The following INSYN2B variants were observed in gnomAD, a reference collection of about 807,000 sequenced individuals.
The protein encoded by INSYN2B is protein INSYN2B.
A neutral mutation model predicts 41.2 loss-of-function variants in INSYN2B; 16 were observed. The ratio of observed to expected loss-of-function variants is 0.39; its 90% CI spans 0.26 to 0.59. The LOEUF is 0.59. Among genes scored for constraint, INSYN2B ranks in the 20% least tolerant of loss-of-function variants. The pLI, the probability that INSYN2B is intolerant of heterozygous loss-of-function variation, is 0.57. For synonymous variants in INSYN2B, 245 were observed against 244.4 expected (o/e 1.00, Z -0.02); for missense variants, 608 against 646.4 (o/e 0.94, Z 0.64).
chr5:169,883,434 C>G lies in INSYN2B; in HGVS notation c.465G>C (p.Gln155His). The G allele has an allele frequency of 6.4e-7, 1 of 1,551,700 alleles. No homozygotes were observed. Among genetic ancestry groups the G allele is most frequent in the Non-Finnish European group, 8.7e-7 (1 of 1,146,968 alleles). ...SSDLAYLRLA[Q>H]HLEDGPRRVK... ...CCCTTCGAGGCCCATCCTCAAGATG[C>G]TGAGCCAACCTTAAGTAGGCAAGGT... Residue 155 changes from glutamine (Q) to histidine (H), a missense_variant, in exon 2 of 4, where the codon CAG (glutamine) becomes CAC (histidine). Physicochemically the swap from Gln to His is conservative, Grantham distance 24. Transcript: ENST00000377365.
chr5:169,939,018 C>G (rs1776115540), intron 1 of INSYN2B, among the ~76,000 whole-genome samples: 1 of 151,722 alleles, frequency 6.6e-6, no homozygotes, highest in African/African-American at 2.4e-5. Context: ...ATTCTCCTAC[C>G]TTAGCCTCGG....
At chr5:169,916,371 G>A (rs1774876326) in intron 1 of INSYN2B, among the ~76,000 whole-genome samples, 1 of 152,220 alleles carries the variant, frequency 6.6e-6, no homozygotes, top group Non-Finnish European at 1.5e-5. Flanking sequence ...GCTCATCAAT[G>A]TCTTAGTCAA....
At chr5:169,937,499 G>A (rs1776045656) in intron 1 of INSYN2B, among the ~76,000 whole-genome samples, 1 of 152,222 alleles carries the variant, frequency 6.6e-6, no homozygotes, top group African/African-American at 2.4e-5. Flanking sequence ...CATAGTAAGT[G>A]TTCAATAAAA....
chr5:169,882,970 C>G lies in INSYN2B; in HGVS notation c.929G>C (p.Ser310Thr), dbSNP rs928445393. 1 of 1,551,614 alleles carries G rather than the reference C, an allele frequency of 6.4e-7. No homozygotes were observed. Among genetic ancestry groups the G allele is most frequent in the African/African-American group, 1.4e-5 (1 of 73,136 alleles). The change falls in exon 2 of 4, where the codon AGT becomes ACT. Residue 310 changes from serine (S) to threonine (T), a missense_variant. Ser to Thr is a moderately conservative substitution (Grantham distance 58). Transcript: ENST00000377365. ...TCVPSSPRTH[S>T]SPSQGSHSQP... Reference sequence around the variant, plus strand: ...GCTGTGGGAGCCTTGTGAGGGGGAACTGTGAGTCCGTGGAGATGAAGGAAC... The same window carrying G: ...GCTGTGGGAGCCTTGTGAGGGGGAAGTGTGAGTCCGTGGAGATGAAGGAAC...
intron 1 of INSYN2B, among the ~76,000 whole-genome samples, chr5:169,902,545 G>A (rs1773986608): frequency 6.6e-6 from 1 of 152,162 alleles, no homozygotes; most frequent in Admixed American, 6.5e-5. Flanking sequence ...CCTTGACCTG[G>A]GTTGAGAAAA....
At chr5:169,915,886 A>G (rs188934350) in intron 1 of INSYN2B, among the ~76,000 whole-genome samples, 59 of 152,314 alleles carry the variant, frequency 3.9e-4, no homozygotes, top group African/African-American at 1.3e-3. Context: ...AATCTGATTA[A>G]ATGGTATACA....
At chr5:169,948,715 C>T (rs565098264) in intron 1 of INSYN2B, among the ~76,000 whole-genome samples, 2 of 151,316 alleles carry the variant, frequency 1.3e-5, no homozygotes, top group Middle Eastern at 3.4e-3. Context: ...ATGGACTAAG[C>T]GATTCTCCCA....
At chr5:169,901,457 G>T (rs1365036492) in intron 1 of INSYN2B, among the ~76,000 whole-genome samples, 2 of 152,130 alleles carry the variant, frequency 1.3e-5, no homozygotes, top group African/African-American at 2.4e-5. Flanking sequence ...GCATGTGTGT[G>T]TAGGAGAGAG....
chr5:169,951,860 C>T (rs1458933273), intron 1 of INSYN2B, among the ~76,000 whole-genome samples: 1 of 152,026 alleles, frequency 6.6e-6, no homozygotes, highest in African/African-American at 2.4e-5. Flanking sequence ...GGAAACTTGC[C>T]CAAGATCACA....
chr5:169,937,894 G>A (rs1776066794), intron 1 of INSYN2B, among the ~76,000 whole-genome samples: 2 of 152,146 alleles, frequency 1.3e-5, no homozygotes, highest in African/African-American at 4.8e-5. Flanking sequence ...TCTCCATTCT[G>A]CCTTTCCAGC....
intron 1 of INSYN2B, among the ~76,000 whole-genome samples, chr5:169,971,973 C>A (rs1272556334): frequency 1.3e-5 from 2 of 152,258 alleles, no homozygotes; most frequent in Admixed American, 6.5e-5. Flanking sequence ...CCTGCCCTTG[C>A]CCATGGCAGA....
chr5:169,889,749 A>T (rs1380568882), intron 1 of INSYN2B, among the ~76,000 whole-genome samples: 1 of 152,268 alleles, frequency 6.6e-6, no homozygotes, highest in African/African-American at 2.4e-5. Flanking sequence ...ATATGTAAAC[A>T]AATGGCTCTG....
At chr5:169,946,064 C>G (rs1255123107) in intron 1 of INSYN2B, among the ~76,000 whole-genome samples, 1 of 152,124 alleles carries the variant, frequency 6.6e-6, no homozygotes, top group African/African-American at 2.4e-5. Context: ...TCCTCAGAGC[C>G]AAAGCTGTGT....
At chr5:169,874,417 A>AC (rs1772183329) in intron 3 of INSYN2B, among the ~76,000 whole-genome samples, 2 of 151,706 alleles carry the variant, frequency 1.3e-5, no homozygotes, top group Admixed American at 6.6e-5. Context: ...TCTCAAAAAA[A>AC]AAAAAAAAAA....
intron 1 of INSYN2B, among the ~76,000 whole-genome samples, chr5:169,888,346 C>T (rs1370793107): frequency 3.9e-5 from 6 of 152,182 alleles, no homozygotes; most frequent in Admixed American, 6.5e-5. Flanking sequence ...GATCCAGAAT[C>T]GTTCCCCACA....
intron 1 of INSYN2B, among the ~76,000 whole-genome samples, chr5:169,955,688 T>C (rs1776837934): frequency 6.6e-6 from 1 of 152,166 alleles, no homozygotes; most frequent in Non-Finnish European, 1.5e-5. Context: ...CTAGCCACTA[T>C]ATAGCTGTGG....
intron 1 of INSYN2B, among the ~76,000 whole-genome samples, chr5:169,948,547 C>T (rs1230792687): frequency 6.6e-6 from 1 of 151,916 alleles, no homozygotes; most frequent in African/African-American, 2.4e-5. Flanking sequence ...TATAGATTTT[C>T]ATAGATCTCT....
intron 1 of INSYN2B, among the ~76,000 whole-genome samples, chr5:169,965,181 C>A (rs530922246): frequency 2.0e-5 from 3 of 152,354 alleles, no homozygotes; most frequent in Admixed American, 2.0e-4. Context: ...GATACATTTT[C>A]TTGAATACCC....
chr5:169,961,710 G>C (rs1467527292), intron 1 of INSYN2B, among the ~76,000 whole-genome samples: 2 of 152,092 alleles, frequency 1.3e-5, no homozygotes, highest in African/African-American at 4.8e-5. Context: ...GGGTGCAGTG[G>C]CTCACGCCCG....
Sources: gnomAD v4.1 joint callset for allele counts (sites outside exome capture counted in the v4.1 genomes callset) on GRCh38, gnomAD v4.1.1 for gene constraint, MANE v1.5 for transcripts, NCBI Gene and HGNC (gene_info 2026-07-23, HGNC 2026-07-21) for gene names.